The following RTEL1 variants were observed in gnomAD, a reference collection of about 807,000 sequenced individuals.
RTEL1 encodes the protein regulator of telomere length.
RTEL1 carries 86 observed loss-of-function variants against 162.2 expected under a neutral mutation model. That is an observed-to-expected ratio of 0.53 (90% CI 0.45 to 0.63). The LOEUF is 0.63. Among genes scored for constraint, RTEL1 ranks in the 30% least tolerant of loss-of-function variants. The pLI is 0.00. For missense variants in RTEL1, 1,941 were observed against 1,750.2 expected (o/e 1.11, Z -1.95); for synonymous variants, 958 against 717.9 (o/e 1.33, Z -5.35).
chr20:63,665,199 C>T (rs960528603), intron 6 of RTEL1: 1 of 152,804 alleles, frequency 6.5e-6, no homozygotes, highest in Admixed American at 6.5e-5. Flanking sequence ...CCTGGCACCT[C>T]CTGGGGACAG....
At chr20:63,684,252 G>A (rs542083070) in intron 14 of RTEL1, among the ~76,000 whole-genome samples, 5 of 152,194 alleles carry the variant, frequency 3.3e-5, no homozygotes, top group Admixed American at 6.5e-5. Context: ...CTGACCGAGC[G>A]GCTCGGCTTC....
chr20:63,693,420 G>T, intron 30 of RTEL1, 137 bp downstream of exon 30: 1 of 981,354 alleles, frequency 1.0e-6, no homozygotes, highest in South Asian at 1.6e-5. Flanking sequence ...AGTGATGGGG[G>T]CCTCCACCTC....
intron 9 of RTEL1, 73 bp downstream of exon 9, chr20:63,672,694 C>T (rs1216059955): frequency 1.4e-5 from 18 of 1,305,974 alleles, no homozygotes; most frequent in Non-Finnish European, 2.0e-5. Flanking sequence ...GCAAACCTTT[C>T]TGGAGGGGCT....
At chr20:63,682,677 G>C (rs1568699630) in intron 14 of RTEL1, 1 of 985,960 alleles carries the variant, frequency 1.0e-6, no homozygotes, top group Non-Finnish European at 1.2e-6. Context: ...GGTGCCCATA[G>C]GGCTGGTGCT....
chr20:63,694,985 C>T lies in RTEL1; in HGVS notation c.3343+11C>T, dbSNP rs748069261. 17 of 1,611,436 alleles carry T rather than the reference C, an allele frequency of 1.1e-5. No homozygotes were observed. The highest frequency in any genetic ancestry group is 2.2e-5 in the East Asian group (1 of 44,854). Reference sequence around the variant, plus strand: ...TCCCCCTGCTGCACAGCAAGTGGCCCTGGCGTGGGGAACAGCCGGTGGGGT... The same window carrying T: ...TCCCCCTGCTGCACAGCAAGTGGCCTTGGCGTGGGGAACAGCCGGTGGGGT... On this transcript the variant is annotated intron_variant, in intron 32 of 34. Coordinates refer to ENST00000360203, the MANE Select transcript of RTEL1 (RefSeq NM_001283009.2).
In RTEL1 at chr20:63,695,356, G is replaced by T. The variant is rs367598119; in HGVS notation, c.3528G>T (p.Lys1176Asn). ...CCTCACGGTCCGAGAAGACCGGGAA[G>T]ACCCAGAGCAAGATCTCGTCCTTCC... ...PGPSRSEKTG[K>N]TQSKISSFLR... The change falls in exon 34 of 35, where the codon AAG becomes AAT. Residue 1176 changes from lysine to asparagine, a missense_variant. Lys to Asn is a moderately conservative substitution (Grantham distance 94). Coordinates refer to ENST00000360203, the MANE Select transcript of RTEL1 (RefSeq NM_001283009.2). The T allele has an allele frequency of 6.5e-7, 1 of 1,549,766 alleles. No homozygotes were observed. The highest frequency in any genetic ancestry group is 8.7e-7 in the Non-Finnish European group (1 of 1,148,084).
intron 21 of RTEL1, 46 bp downstream of exon 21, chr20:63,688,651 C>G: frequency 6.5e-7 from 1 of 1,543,734 alleles, no homozygotes; most frequent in Non-Finnish European, 8.8e-7. Context: ...CCTCGTGCCT[C>G]CCCTGCCTCT....
At chr20:63,660,982 C>T (rs993663714) in intron 2 of RTEL1, among the ~76,000 whole-genome samples, 2 of 152,220 alleles carry the variant, frequency 1.3e-5, no homozygotes, top group African/African-American at 2.4e-5. Flanking sequence ...GATCCAGAAA[C>T]GCAGAACAGT....
At chr20:63,681,543 T>C in intron 14 of RTEL1, 1 of 984,642 alleles carries the variant, frequency 1.0e-6, no homozygotes, top group Non-Finnish European at 1.2e-6. Context: ...CCATCTGGCC[T>C]GTGGGGTGCT....
Position 63,695,362 on chromosome 20 carries a change from G to C in RTEL1, c.3534G>C (p.Gln1178His), listed in dbSNP as rs781484810. ...GGTCCGAGAAGACCGGGAAGACCCA[G>C]AGCAAGATCTCGTCCTTCCTTAGAC... is the stretch of plus-strand genomic sequence containing the variant. ...PSRSEKTGKT[Q>H]SKISSFLRQR... The change falls in exon 34 of 35, where the codon CAG becomes CAC. Residue 1178 changes from glutamine (Q) to histidine (H), a missense_variant. Coordinates refer to ENST00000360203, the MANE Select transcript of RTEL1 (RefSeq NM_001283009.2). 6.5e-7 allele frequency: 1 copy of C among 1,549,390 alleles called. No individual in the cohort carries two copies. The highest frequency in any genetic ancestry group is 8.7e-7 in the Non-Finnish European group (1 of 1,147,800).
chr20:63,689,426 A>G (rs1026460859), intron 22 of RTEL1, 76 bp from the exon 23 acceptor site: 37 of 1,434,644 alleles, frequency 2.6e-5, no homozygotes, highest in Non-Finnish European at 3.0e-5. Context: ...GCCTCGGGGA[A>G]GGTGGCTGGG....
At position 63,691,853 on chromosome 20, in the gene RTEL1, C is replaced by T. The variant is rs753136193; in HGVS notation, c.2652+16C>T. On this transcript the variant is annotated intron_variant, in intron 28 of 34. Transcript: ENST00000360203. ...CAGCCACCCGGTGCGTGAGCTGTCCCTGCACCTGTGCCGACCACCATAGAC... is the reference window on the plus strand; with the variant it reads ...CAGCCACCCGGTGCGTGAGCTGTCCTTGCACCTGTGCCGACCACCATAGAC... The T allele has an allele frequency of 2.5e-6, 4 of 1,600,698 alleles. No homozygotes were observed. The highest frequency in any genetic ancestry group is 2.7e-5 in the African/African-American group (2 of 74,770).
intron 27 of RTEL1, 117 bp downstream of exon 27, chr20:63,691,064 A>G: frequency 8.7e-7 from 1 of 1,151,976 alleles, no homozygotes; most frequent in South Asian, 1.7e-5. Context: ...CCTGCCTGGC[A>G]GGCAGGCGGG....
At chr20:63,689,364 TG>T in intron 22 of RTEL1, 137 bp from the exon 23 acceptor site, 1 of 1,057,154 alleles carries the variant, frequency 9.5e-7, no homozygotes, top group Non-Finnish European at 1.3e-6. Context: ...GGACCCCAAG[TG>T]GGGTCCTGAC....
intron 2 of RTEL1, 51 bp downstream of exon 2, chr20:63,659,555 AG>A: frequency 7.3e-7 from 1 of 1,377,648 alleles, no homozygotes; most frequent in Non-Finnish European, 1.0e-6. Context: ...AGCTTCAGCC[AG>A]GACGGGGTGT....
chr20:63,695,016 G>T (rs1362164938), intron 32 of RTEL1, 42 bp downstream of exon 32: 1 of 1,609,802 alleles, frequency 6.2e-7, no homozygotes, highest in Non-Finnish European at 8.5e-7. Flanking sequence ...GGGGTGGGGG[G>T]CAGGGGACAA....
intron 30 of RTEL1, among the ~76,000 whole-genome samples, chr20:63,693,564 A>ACCACCTCCACCTCCACCT (rs1568720906): frequency 1.4e-5 from 1 of 69,268 alleles, no homozygotes; most frequent in Non-Finnish European, 2.8e-5. Flanking sequence ...CTCCACCTCC[A>ACCACCTCCACCTCCACCT]CCACCTCCAC....
intron 31 of RTEL1, 72 bp from the exon 32 acceptor site, chr20:63,694,669 G>T: frequency 7.3e-7 from 1 of 1,369,994 alleles, no homozygotes; most frequent in Non-Finnish European, 9.9e-7. Context: ...CCTGGAGGAA[G>T]GGCGGGCAGG....
In RTEL1 at chr20:63,685,708, G is replaced by T. The variant is rs1300398823; in HGVS notation, c.1267-83G>T. The stretch of plus-strand genomic sequence containing the variant: ...CCACCTCCAGGAGGCAGGTGGGGCT[G>T]GGGGTCTTCTGGTCCTAAAAGGTAA... On this transcript the variant is annotated intron_variant, in intron 15 of 34. Coordinates refer to ENST00000360203, the MANE Select transcript of RTEL1 (RefSeq NM_001283009.2). 4.4e-6 allele frequency: 7 copies of T among 1,582,706 alleles called. No homozygotes were observed. The South Asian group carries it at 8.0e-5, about 18-fold the overall frequency.
Sources: gnomAD v4.1 joint callset for allele counts (sites outside exome capture counted in the v4.1 genomes callset) on GRCh38, gnomAD v4.1.1 for gene constraint, MANE v1.5 for transcripts, NCBI Gene and HGNC (gene_info 2026-07-23, HGNC 2026-07-21) for gene names.